MAN1B1: variants seen among roughly 807,000 people sequenced by gnomAD.
MAN1B1 encodes the protein mannosidase alpha class 1B member 1.
A neutral mutation model predicts 75.5 loss-of-function variants in MAN1B1; 66 were observed. The ratio of observed to expected loss-of-function variants is 0.87; its 90% CI spans 0.72 to 1.07. The LOEUF (loss-of-function observed/expected upper bound fraction) is 1.07, where lower values mean the gene tolerates loss of function less well. Ranked by LOEUF, MAN1B1 falls within the 50% of genes least tolerant of loss-of-function variation. MAN1B1 has a pLI of 0.00. For synonymous variants in MAN1B1, 453 were observed against 382.8 expected, an observed-to-expected ratio of 1.18 and a Z score of -2.14; for missense variants, 973 against 912.5, an observed-to-expected ratio of 1.07 and a Z score of -0.85.
chr9:137,106,949 C>T (rs1416493124), intron 10 of MAN1B1, 140 bp downstream of exon 10: 3 of 1,254,536 alleles, frequency 2.4e-6, no homozygotes, highest in Admixed American at 2.4e-5. Context: ...GCTGCCTGGC[C>T]AGGCCTGTCT....
chr9:137,090,296 G>A (rs1000626452), intron 3 of MAN1B1, among the ~76,000 whole-genome samples: 2 of 152,154 alleles, frequency 1.3e-5, no homozygotes, highest in Non-Finnish European at 2.9e-5. Flanking sequence ...GTGTGGGAGT[G>A]CCTTGGGAGC....
intron 3 of MAN1B1, among the ~76,000 whole-genome samples, chr9:137,094,069 C>T (rs1416161504): frequency 2.0e-5 from 3 of 149,410 alleles, no homozygotes; most frequent in Non-Finnish European, 4.4e-5. Flanking sequence ...GGCTGGAGTG[C>T]AGTGGCACAA....
At chr9:137,094,632 G>T (rs564864094) in intron 3 of MAN1B1, among the ~76,000 whole-genome samples, 1 of 149,434 alleles carries the variant, frequency 6.7e-6, no homozygotes, top group African/African-American at 2.5e-5. Flanking sequence ...TAATCCCAGC[G>T]CTTTGGGAGG....
Position 137,107,541 on chromosome 9 carries a change from G to C in MAN1B1, c.1775G>C (p.Arg592Thr), listed in dbSNP as rs1418791030. ...CTGCTCCGCCCACAGCCAGCAGACAGGCACAACCTGCTGCGGCCAGAGACC... is the reference window on the plus strand; with the variant it reads ...CTGCTCCGCCCACAGCCAGCAGACACGCACAACCTGCTGCGGCCAGAGACC... ...RRDVEVKPAD[R>T]HNLLRPETVE... The change falls in exon 12 of 13, where the codon AGG (arginine) becomes ACG (threonine). Residue 592 changes from arginine (R) to threonine (T), a missense_variant. Transcript: ENST00000371589. 2 of 1,612,926 alleles carry C rather than the reference G, an allele frequency of 1.2e-6. No individual in the cohort carries two copies. Among genetic ancestry groups the C allele is most frequent in the African/African-American group, 2.7e-5 (2 of 75,072 alleles).
chr9:137,108,833 C>T lies in MAN1B1; in HGVS notation c.*242C>T, dbSNP rs1414182643. On this transcript the variant is annotated 3_prime_UTR_variant, in exon 13 of 13. Transcript: ENST00000371589. The stretch of plus-strand genomic sequence containing the variant: ...GCCTCCGCCTGCTTCCTCCAGAAGA[C>T]ACGAATCATGACTCACGATTGCTGA... 7.5e-6 allele frequency: 5 copies of T among 667,004 alleles called. No homozygotes were observed. The highest frequency in any genetic ancestry group is 2.1e-5 in the Admixed American group (1 of 48,650). The allele number at this position is 667,004 out of a possible 1,614,324, so 41.3% of individuals were successfully genotyped here. A position where few individuals can be genotyped will look rare whatever the true frequency, so the allele number is the denominator to read the frequency against.
chr9:137,098,260 T>C (rs1485728528), intron 5 of MAN1B1, among the ~76,000 whole-genome samples: 1 of 152,234 alleles, frequency 6.6e-6, no homozygotes, highest in Non-Finnish European at 1.5e-5. Flanking sequence ...CCCAGGCAGC[T>C]CTGGGGGCCA....
intron 8 of MAN1B1, 104 bp downstream of exon 8, chr9:137,101,776 G>A (rs1830820754): frequency 1.5e-6 from 2 of 1,352,314 alleles, no homozygotes; most frequent in South Asian, 1.3e-5. Context: ...TGTGTTTTCA[G>A]GTTTTTTACT....
rs1830792588 is a variant in MAN1B1, at chr9:137,100,990, T to C, written c.917-15T>C. ...ATCCATTTGTCTCTGCATCCTTTACTGTTTTATGTCATAGAATTTGAGGAA... is the reference window on the plus strand; with the variant it reads ...ATCCATTTGTCTCTGCATCCTTTACCGTTTTATGTCATAGAATTTGAGGAA... On this transcript the variant is annotated splice_polypyrimidine_tract_variant and intron_variant, in intron 6 of 12. Transcript: ENST00000371589. 6.2e-7 allele frequency: 1 copy of C among 1,614,134 alleles called. No individual in the cohort carries two copies. The highest frequency in any genetic ancestry group is 1.1e-5 in the South Asian group (1 of 91,086).
At position 137,108,405 on chromosome 9, in the gene MAN1B1, T is replaced by C. The variant is rs772383549; in HGVS notation, c.1914T>C (p.Tyr638=). The C allele has an allele frequency of 3.1e-6, 5 of 1,613,634 alleles. No homozygotes were observed. The African/African-American group carries it at 5.3e-5, about 17-fold the overall frequency. The stretch of plus-strand genomic sequence containing the variant: ...CTGCACAGGTCCCCTCGGGTGGCTA[T>C]TCTTCCATCAACAATGTCCAGGATC... ...SRFTRVPSGG[Y]SSINNVQDPQ... The change falls in exon 13 of 13, where the codon TAT becomes TAC. Residue 638 remains tyrosine, a synonymous_variant. Coordinates refer to ENST00000371589, the MANE Select transcript of MAN1B1 (RefSeq NM_016219.5).
chr9:137,103,256 G>A (rs1830950145), intron 8 of MAN1B1: 1 of 422,190 alleles, frequency 2.4e-6, no homozygotes, highest in Non-Finnish European at 4.6e-6. Flanking sequence ...GTGCAGGTCG[G>A]TGTTACACAC....
intron 8 of MAN1B1, chr9:137,105,495 A>C (rs946680647): frequency 9.9e-6 from 2 of 202,702 alleles, no homozygotes; most frequent in Non-Finnish European, 2.0e-5. Flanking sequence ...ATAGGCAGCC[A>C]GGCCTCGAAG....
rs1389360690 is a variant in MAN1B1, at chr9:137,107,317, A to G, written c.1634A>G (p.His545Arg). ...GTCTACCACGGCCTGCCCGCCAGCC[A>G]CATGGAGCTGGCCCAGGAGCTCATG... is the stretch of plus-strand genomic sequence containing the variant. Reference protein sequence around the residue: ...LGVYHGLPASHMELAQELMET... With the variant: ...LGVYHGLPASRMELAQELMET... The change falls in exon 11 of 13, where the codon CAC (histidine) becomes CGC (arginine). Residue 545 changes from histidine to arginine, a missense_variant. Coordinates refer to ENST00000371589, the MANE Select transcript of MAN1B1 (RefSeq NM_016219.5). 1 of 1,613,236 alleles carries G rather than the reference A, an allele frequency of 6.2e-7. No individual in the cohort carries two copies. Among genetic ancestry groups the G allele is most frequent in the Non-Finnish European group, 8.5e-7 (1 of 1,180,000 alleles).
chr9:137,093,629 G>C (rs1263172824), intron 3 of MAN1B1, among the ~76,000 whole-genome samples: 1 of 151,988 alleles, frequency 6.6e-6, no homozygotes, highest in Non-Finnish European at 1.5e-5. Context: ...AGGAGATTGA[G>C]ACCATCCTGG....
At chr9:137,100,190 TG>T (rs2131014371) in intron 6 of MAN1B1, among the ~76,000 whole-genome samples, 1 of 152,310 alleles carries the variant, frequency 6.6e-6, no homozygotes, top group Non-Finnish European at 1.5e-5. Context: ...TGAGTGACTG[TG>T]GGGCCCCGCT....
chr9:137,099,683 T>C lies in MAN1B1; in HGVS notation c.731-13T>C. ...CACGTCCGCCATGGCCTGTGCTCTC[T>C]CCCCCCTACTAGTGCATCTGAACTA... On this transcript the variant is annotated splice_polypyrimidine_tract_variant and intron_variant, in intron 5 of 12. Coordinates refer to ENST00000371589, the MANE Select transcript of MAN1B1 (RefSeq NM_016219.5). 6.2e-7 allele frequency: 1 copy of C among 1,613,732 alleles called. No homozygotes were observed. Among genetic ancestry groups the C allele is most frequent in the Non-Finnish European group, 8.5e-7 (1 of 1,179,792 alleles).
At chr9:137,098,760 C>T (rs889817872) in intron 5 of MAN1B1, among the ~76,000 whole-genome samples, 1 of 152,052 alleles carries the variant, frequency 6.6e-6, no homozygotes, top group Non-Finnish European at 1.5e-5. Flanking sequence ...AATCCCAGCA[C>T]TTTGGGAGGC....
At chr9:137,107,499 TGGC>T in intron 11 of MAN1B1, 29 bp from the exon 12 acceptor site, 1 of 1,613,014 alleles carries the variant, frequency 6.2e-7, no homozygotes. Context: ...CTGGCAGGGC[TGGC>T]CTTGCCCTGA....
chr9:137,104,814 C>G (rs916762557), intron 8 of MAN1B1: 3 of 153,454 alleles, frequency 2.0e-5, no homozygotes, highest in African/African-American at 7.3e-5. Flanking sequence ...ACACACCTGC[C>G]TGAGGCTGTG....
chr9:137,090,126 G>A (rs901485327), intron 3 of MAN1B1, among the ~76,000 whole-genome samples: 4 of 152,230 alleles, frequency 2.6e-5, no homozygotes, highest in Non-Finnish European at 5.9e-5. Flanking sequence ...CCAGGAAAAC[G>A]TCCTGTCAGT....
Sources: gnomAD v4.1 joint callset for allele counts (sites outside exome capture counted in the v4.1 genomes callset) on GRCh38, gnomAD v4.1.1 for gene constraint, MANE v1.5 for transcripts, NCBI Gene and HGNC (gene_info 2026-07-23, HGNC 2026-07-21) for gene names.